Variants in FAM53A observed in about 807,000 individuals in gnomAD.
FAM53A encodes protein FAM53A.
A neutral mutation model predicts 26.6 loss-of-function variants in FAM53A; 28 were observed. The ratio of observed to expected loss-of-function variants is 1.05; its 90% CI spans 0.78 to 1.45. The LOEUF is 1.45. Among genes scored for constraint, FAM53A ranks in the 40% most tolerant of loss-of-function variants. The pLI is 0.00. For synonymous variants in FAM53A, 290 were observed against 253.1 expected (o/e 1.15, Z -1.38); for missense variants, 650 against 575.8 (o/e 1.13, Z -1.32).
rs1207506182 is a variant in FAM53A, at chr4:1,640,453, G to A, written c.*840C>T. 1.0e-5 allele frequency: 3 copies of A among 289,756 alleles called. No individual in the cohort carries two copies. The highest frequency in any genetic ancestry group is 2.4e-5 in the African/African-American group (1 of 42,408). The allele number at this position is 289,756 out of a possible 1,614,324, so 17.9% of individuals were successfully genotyped here. Reference sequence around the variant, plus strand: ...CAGGCCTTTCGTGGGGAACACAGACGCATGTTAATCTGTTTGCAGATTCAT... The same window carrying A: ...CAGGCCTTTCGTGGGGAACACAGACACATGTTAATCTGTTTGCAGATTCAT... On this transcript the variant is annotated 3_prime_UTR_variant, in exon 5 of 5. Coordinates refer to ENST00000308132, the MANE Select transcript of FAM53A (RefSeq NM_001174070.3).
downstream of FAM53A, among the ~76,000 whole-genome samples, chr4:1,614,389 G>T (rs185000428): frequency 7.1e-6 from 1 of 140,498 alleles, no homozygotes; most frequent in Admixed American, 6.9e-5. Flanking sequence ...ATGCAGAGAC[G>T]TGAGGGGCAT....
chr4:1,590,983 T>C, the FAM53A span, among the ~76,000 whole-genome samples: 13 of 132,358 alleles, frequency 9.8e-5, no homozygotes, highest in Admixed American at 1.5e-4. Context: ...TATATATATA[T>C]ATATATATAT....
chr4:1,603,927 G>A, the FAM53A span, among the ~76,000 whole-genome samples: 1 of 152,216 alleles, frequency 6.6e-6, no homozygotes, highest in African/African-American at 2.4e-5. Flanking sequence ...GGGCGACAGG[G>A]CCAAGGCCAC....
intron 1 of FAM53A, among the ~76,000 whole-genome samples, chr4:1,681,362 C>T (rs1715425846): frequency 6.6e-6 from 1 of 152,068 alleles, no homozygotes; most frequent in African/African-American, 2.4e-5. Flanking sequence ...AGGGTCCAGC[C>T]CCACAAGGTC....
chr4:1,634,917 A>T (rs568826012), downstream of FAM53A, among the ~76,000 whole-genome samples: 62 of 152,226 alleles, frequency 4.1e-4, no homozygotes, highest in African/African-American at 1.3e-3. Context: ...AAAAAAATAA[A>T]AAAATAAAAT....
At chr4:1,607,410 CA>C in the FAM53A span, among the ~76,000 whole-genome samples, 35 of 152,024 alleles carry the variant, frequency 2.3e-4, 1 homozygote. Flanking sequence ...CGTGCGTACA[CA>C]AAAGCAGTGA....
downstream of FAM53A, among the ~76,000 whole-genome samples, chr4:1,614,236 T>C (rs1714724843): frequency 6.6e-6 from 1 of 152,020 alleles, no homozygotes; most frequent in Non-Finnish European, 1.5e-5. Flanking sequence ...AAAGGGTGTC[T>C]GCAGACCCTG....
chr4:1,649,299 T>A (rs1241818464), intron 4 of FAM53A, among the ~76,000 whole-genome samples: 1 of 152,112 alleles, frequency 6.6e-6, no homozygotes, highest in Non-Finnish European at 1.5e-5. Flanking sequence ...CACCTGCCTA[T>A]CCTCTCTGTA....
chr4:1,612,665 GAC>G, the FAM53A span, among the ~76,000 whole-genome samples: 2 of 152,174 alleles, frequency 1.3e-5, no homozygotes, highest in African/African-American at 4.8e-5. Flanking sequence ...TGCCGCATGT[GAC>G]ACACGTGTGC....
the FAM53A span, among the ~76,000 whole-genome samples, chr4:1,594,071 G>A: frequency 1.3e-5 from 2 of 150,776 alleles, no homozygotes; most frequent in Non-Finnish European, 2.9e-5. Flanking sequence ...GCTGCAGGGA[G>A]GGGCGCCGCG....
chr4:1,631,725 T>G (rs910515012), intron 1 of FAM53A, among the ~76,000 whole-genome samples: 6 of 151,526 alleles, frequency 4.0e-5, no homozygotes, highest in Non-Finnish European at 7.4e-5. Flanking sequence ...AGCAAACACG[T>G]GGAATAAACA....
upstream of FAM53A, among the ~76,000 whole-genome samples, chr4:1,685,283 AG>A (rs1183227443): frequency 6.6e-6 from 1 of 151,844 alleles, no homozygotes; most frequent in Non-Finnish European, 1.5e-5. Context: ...CTGGGGTGGG[AG>A]GGGCCTGAGG....
rs1201464786 is a variant in FAM53A at position 1,680,962 on chromosome 4, G to A, written c.-165+3271C>T. Among the ~76,000 whole-genome samples the A allele has an allele frequency of 3.3e-5, 5 of 152,310 alleles. 1 individual carries two copies. The highest frequency in any genetic ancestry group is 2.4e-5 in the African/African-American group (1 of 41,568). ...TACAACACCAAGAGTGAAACCTGAT[G>A]TCAACTATGGACTTTGGATAATAAG... On this transcript the variant is annotated intron_variant, in intron 1 of 4. Transcript: ENST00000308132.
chr4:1,590,965 T>TATAC, the FAM53A span, among the ~76,000 whole-genome samples: 5 of 92,070 alleles, frequency 5.4e-5, 1 homozygote, highest in African/African-American at 3.1e-4. Context: ...CATATATATA[T>TATAC]ATATATATAT....
At chr4:1,601,844 C>T in the FAM53A span, among the ~76,000 whole-genome samples, 4 of 53,842 alleles carry the variant, frequency 7.4e-5, 1 homozygote, top group South Asian at 5.6e-4. Flanking sequence ...CCAAACTAGA[C>T]GGGTGGCCAA....
At chr4:1,619,602 C>G (rs1234099767) in intron 1 of FAM53A, among the ~76,000 whole-genome samples, 1 of 152,206 alleles carries the variant, frequency 6.6e-6, no homozygotes, top group Non-Finnish European at 1.5e-5. Context: ...CTTCTCAGGT[C>G]TTCACCCCCC....
the FAM53A span, among the ~76,000 whole-genome samples, chr4:1,588,468 C>T: frequency 6.6e-6 from 1 of 152,154 alleles, no homozygotes; most frequent in Non-Finnish European, 1.5e-5. Context: ...CCCTGTGGTG[C>T]CCTCCTTACT....
the FAM53A span, among the ~76,000 whole-genome samples, chr4:1,599,607 G>C: frequency 1.3e-5 from 2 of 152,156 alleles, no homozygotes; most frequent in African/African-American, 2.4e-5. This position sits in a 1 kb window ranked among gnomAD's most constrained non-coding sequence, Gnocchi z 6.1. Flanking sequence ...CGGGGGACCA[G>C]AGCACCTCCC....
At chr4:1,666,193 T>C (rs1307181254) in intron 2 of FAM53A, among the ~76,000 whole-genome samples, 1 of 129,494 alleles carries the variant, frequency 7.7e-6, no homozygotes, top group Admixed American at 7.8e-5. Context: ...CTGCACACCC[T>C]GTATCTAAAA....
Sources: allele counts gnomAD v4.1 joint callset (sites outside exome capture counted in the v4.1 genomes callset), GRCh38; gene constraint gnomAD v4.1.1; non-coding constraint Gnocchi (gnomAD v3.1); transcripts MANE v1.5; gene names NCBI Gene and HGNC (gene_info 2026-07-23, HGNC 2026-07-21).